Variants in PPWD1 observed in about 807,000 individuals in gnomAD.
The protein encoded by PPWD1 is peptidylprolyl isomerase domain and WD repeat-containing protein 1.
In PPWD1, 43 loss-of-function variants were observed where a neutral mutation model predicts 68.8. The observed-to-expected ratio is 0.62, with a 90% CI of 0.49 to 0.81. PPWD1 has a LOEUF of 0.81. Ranked by LOEUF, PPWD1 falls within the 30% of genes least tolerant of loss-of-function variation. PPWD1 has a pLI of 0.00. For missense variants in PPWD1, 672 were observed against 804.8 expected (o/e 0.83, Z 2.00); for synonymous variants, 232 against 258.7 (o/e 0.90, Z 0.99).
In PPWD1 at chr5:65,567,624, A is replaced by G. The variant is rs773097245; in HGVS notation, c.299+9A>G. 3.1e-5 allele frequency: 48 copies of G among 1,571,436 alleles called. No individual in the cohort carries two copies. Among genetic ancestry groups the G allele is most frequent in the South Asian group, 1.3e-4 (11 of 82,388 alleles). On this transcript the variant is annotated intron_variant, in intron 2 of 10. Transcript: ENST00000261308. ...CATGTGGTATGCACCAAGTAAGTCT[A>G]TCACATCTTTTTTACTTTGTTCTGA...
rs756648807 is a variant in PPWD1, at chr5:65,569,773, C to T, written c.400+41C>T. The T allele has an allele frequency of 2.5e-6, 4 of 1,577,496 alleles. No homozygotes were observed. The Admixed American group carries it at 7.2e-5, about 28-fold the overall frequency. ...CATTTTCTTGTAGCTCTTTCCTAAA[C>T]TATACTAATTAAAGTTTAAATTTTT... On this transcript the variant is annotated intron_variant, in intron 3 of 10. Transcript: ENST00000261308.
chr5:65,563,810 A>T, intron 1 of PPWD1: 4 of 1,507,550 alleles, frequency 2.7e-6, no homozygotes, highest in Middle Eastern at 1.7e-4. Flanking sequence ...CAGCAGCCAC[A>T]TGAAGTTGGA....
chr5:65,574,328 G>C (rs1259084811), intron 5 of PPWD1, among the ~76,000 whole-genome samples: 1 of 151,926 alleles, frequency 6.6e-6, no homozygotes, highest in African/African-American at 2.4e-5. Flanking sequence ...CTTTAATGGT[G>C]GCAGATAACT....
At chr5:65,585,178 C>A in intron 9 of PPWD1, 83 bp downstream of exon 9, 3 of 1,340,396 alleles carry the variant, frequency 2.2e-6, no homozygotes, top group South Asian at 2.6e-5. Flanking sequence ...ATCTTCTTCT[C>A]TCACACTTAA....
chr5:65,566,820 C>CT (rs762925536), intron 1 of PPWD1, among the ~76,000 whole-genome samples: 1,658 of 94,724 alleles, frequency 0.018, 21 homozygotes, highest in African/African-American at 0.05. Context: ...CCCTTTCTTT[C>CT]TTTTTTTTTT....
At chr5:65,563,869 G>C (rs544946463) in intron 1 of PPWD1, 1 of 1,459,230 alleles carries the variant, frequency 6.9e-7, no homozygotes, top group Admixed American at 2.0e-5. Flanking sequence ...TTCTCTTTAA[G>C]GCTTTAGTTC....
chr5:65,579,508 T>G lies in PPWD1; in HGVS notation c.1245T>G (p.Ala415=), dbSNP rs751913002. Reference sequence around the variant, plus strand: ...AGGGGATAGCCAAAAAGCATCGTGCTGCAACTACTATAGAAATGAAAGCTT... The same window carrying G: ...AGGGGATAGCCAAAAAGCATCGTGCGGCAACTACTATAGAAATGAAAGCTT... ...LFQGIAKKHR[A]ATTIEMKASE... The change falls in exon 7 of 11, where the codon GCT becomes GCG. Residue 415 remains alanine (A), a synonymous_variant. Transcript: ENST00000261308. The G allele has an allele frequency of 1.9e-6, 3 of 1,611,164 alleles. No individual in the cohort carries two copies. In the East Asian group the frequency reaches 6.7e-5, roughly 36 times the overall value.
chr5:65,573,471 A>AT (rs200313500), intron 5 of PPWD1, among the ~76,000 whole-genome samples: 644 of 48,688 alleles, frequency 0.013, 25 homozygotes, highest in African/African-American at 0.052. Flanking sequence ...ATATATATAT[A>AT]TATATTTTTT....
At chr5:65,565,687 A>G (rs1426766603) in intron 1 of PPWD1, among the ~76,000 whole-genome samples, 1 of 151,994 alleles carries the variant, frequency 6.6e-6, no homozygotes, top group African/African-American at 2.4e-5. Context: ...GCACACCTAT[A>G]ATCTCAGCTA....
At chr5:65,575,285 C>G (rs986847997) in intron 5 of PPWD1, among the ~76,000 whole-genome samples, 1 of 152,174 alleles carries the variant, frequency 6.6e-6, no homozygotes, top group Non-Finnish European at 1.5e-5. Context: ...TGATCATTAG[C>G]CCTTCCCTGC....
chr5:65,569,005 T>A (rs2150591752), intron 2 of PPWD1: 1 of 455,792 alleles, frequency 2.2e-6, no homozygotes, highest in South Asian at 1.6e-5. Context: ...GCAAGTACAT[T>A]TAACATTTTA....
At chr5:65,567,760 C>T (rs1255545643) in intron 2 of PPWD1, 145 bp downstream of exon 2, 1 of 1,327,186 alleles carries the variant, frequency 7.5e-7, no homozygotes, top group East Asian at 2.6e-5. Context: ...CCTACATGTT[C>T]TTTCCTATAT....
intron 6 of PPWD1, among the ~76,000 whole-genome samples, chr5:65,577,327 T>A (rs1279800235): frequency 2.0e-5 from 3 of 151,972 alleles, no homozygotes; most frequent in African/African-American, 7.3e-5. Flanking sequence ...GTGTTTTTTT[T>A]AACAAGTTTG....
intron 6 of PPWD1, among the ~76,000 whole-genome samples, chr5:65,578,475 A>G (rs1753414009): frequency 6.6e-6 from 1 of 151,890 alleles, no homozygotes; most frequent in Non-Finnish European, 1.5e-5. Flanking sequence ...TGTTCCTGTC[A>G]CTCCACATCT....
chr5:65,576,686 T>A, intron 5 of PPWD1, 193 bp from the exon 6 acceptor site: 1 of 837,090 alleles, frequency 1.2e-6, no homozygotes, highest in Non-Finnish European at 1.4e-6. Context: ...GAAATACTAT[T>A]TTTTAGTGAT....
chr5:65,564,125 C>A (rs886239566), intron 1 of PPWD1, among the ~76,000 whole-genome samples: 1 of 152,116 alleles, frequency 6.6e-6, no homozygotes, highest in South Asian at 2.1e-4. Flanking sequence ...GGAATAATCA[C>A]AAATTATTAT....
chr5:65,579,567 A>G lies in PPWD1; in HGVS notation c.1304A>G (p.Asp435Gly). The stretch of plus-strand genomic sequence containing the variant: ...CCTGTTCTTCAGAATATTCAAGCTG[A>G]CCCAACAATAGTCTGTACATCATTC... Reference protein sequence around the residue: ...ENPVLQNIQADPTIVCTSFKK... With the variant: ...ENPVLQNIQAGPTIVCTSFKK... Residue 435 changes from aspartate (D) to glycine (G), a missense_variant, in exon 7 of 11, where the codon GAC (aspartate) becomes GGC (glycine). Coordinates refer to ENST00000261308, the MANE Select transcript of PPWD1 (RefSeq NM_015342.4). 2 of 1,606,966 alleles carry G rather than the reference A, an allele frequency of 1.2e-6. No individual in the cohort carries two copies. The highest frequency in any genetic ancestry group is 2.2e-5 in the South Asian group (2 of 89,534).
In PPWD1 at chr5:65,563,318, C is replaced by T. The variant is rs764604131; in HGVS notation, c.8C>T (p.Ala3Val). 1 of 1,612,428 alleles carries T rather than the reference C, an allele frequency of 6.2e-7. No individual in the cohort carries two copies. Among genetic ancestry groups the T allele is most frequent in the Non-Finnish European group, 8.5e-7 (1 of 1,179,346 alleles). Residue 3 changes from alanine to valine, a missense_variant, in exon 1 of 11, where the codon GCG (alanine) becomes GTG (valine). Ala to Val is a moderately conservative substitution (Grantham distance 64, BLOSUM62 0). Around this residue, in one of 2 missense-constraint regions of PPWD1, gnomAD observed 188 missense variants for 158.6 expected, o/e 1.19. Transcript: ENST00000261308. ...TCTGACGATGCGAACAACATGGCGG[C>T]GGAAAGTGGTAGCGATTTTCAGCAG... MA[A>V]ESGSDFQQRR...
At chr5:65,567,183 T>A (rs1200963316) in intron 1 of PPWD1, among the ~76,000 whole-genome samples, 1 of 152,080 alleles carries the variant, frequency 6.6e-6, no homozygotes, top group Non-Finnish European at 1.5e-5. Flanking sequence ...TTTTTTTCCT[T>A]TTTCTTTCTT....
Sources: gnomAD v4.1 joint callset for allele counts (sites outside exome capture counted in the v4.1 genomes callset) on GRCh38, gnomAD v4.1.1 for gene constraint, gnomAD v4.1.1 regional missense constraint, MANE v1.5 for transcripts, NCBI Gene and HGNC (gene_info 2026-07-23, HGNC 2026-07-21) for gene names.